RPS6KA5: variants seen among roughly 807,000 people sequenced by gnomAD.
RPS6KA5 encodes ribosomal protein S6 kinase A5.
Under a neutral mutation model 85.5 loss-of-function variants are expected in RPS6KA5, and 27 were observed. That is an observed-to-expected ratio of 0.32 (90% CI 0.23 to 0.44). RPS6KA5 has a LOEUF of 0.44. RPS6KA5 is among the 20% of genes least tolerant of loss of function. The probability of loss-of-function intolerance (pLI) is 1.00; values close to 1 mark genes in which losing one functional copy is unlikely to be tolerated. For synonymous variants in RPS6KA5, 334 were observed against 348.2 expected (o/e 0.96, Z 0.46); for missense variants, 811 against 980.9 (o/e 0.83, Z 2.31).
chr14:91,000,046 T>C (rs1415318583), intron 2 of RPS6KA5, among the ~76,000 whole-genome samples: 2 of 152,110 alleles, frequency 1.3e-5, no homozygotes, highest in African/African-American at 2.4e-5. Flanking sequence ...GCTTCTCCCA[T>C]CTTGGCCTCC....
At chr14:90,925,557 G>C (rs1013691441) in intron 5 of RPS6KA5, among the ~76,000 whole-genome samples, 9 of 152,088 alleles carry the variant, frequency 5.9e-5, no homozygotes, top group African/African-American at 2.2e-4. Flanking sequence ...GATAGAACCA[G>C]AGATATTCTC....
intron 5 of RPS6KA5, among the ~76,000 whole-genome samples, chr14:90,927,155 A>G (rs911533674): frequency 3.3e-5 from 5 of 152,144 alleles, no homozygotes; most frequent in Non-Finnish European, 7.4e-5. Context: ...GGGTAATATT[A>G]CAGAAATGCC....
intron 1 of RPS6KA5, among the ~76,000 whole-genome samples, chr14:91,018,889 A>G (rs984745751): frequency 1.3e-5 from 2 of 152,086 alleles, no homozygotes; most frequent in Non-Finnish European, 2.9e-5. Flanking sequence ...GTTCCTCTGG[A>G]GAACCCTGAC....
chr14:90,880,672 G>A (rs1408423173), intron 14 of RPS6KA5, among the ~76,000 whole-genome samples: 1 of 151,930 alleles, frequency 6.6e-6, no homozygotes, highest in Non-Finnish European at 1.5e-5. Flanking sequence ...AATTATTACA[G>A]GACTGTCTAC....
chr14:90,923,212 A>G lies in RPS6KA5; in HGVS notation c.619-16T>C, dbSNP rs2036491059. ...CTCTTTCAGTCTTGAACAAACAAAC[A>G]AAAAAGGGATTTGATTTCAAGCTAG... On this transcript the variant is annotated splice_polypyrimidine_tract_variant and intron_variant, in intron 5 of 16. Transcript: ENST00000614987. 6.3e-7 allele frequency: 1 copy of G among 1,585,912 alleles called. No individual in the cohort carries two copies. The highest frequency in any genetic ancestry group is 8.7e-7 in the Non-Finnish European group (1 of 1,155,866).
chr14:90,943,237 T>G, intron 4 of RPS6KA5, 52 bp from the exon 5 acceptor site: 3 of 1,032,082 alleles, frequency 2.9e-6, no homozygotes, highest in Non-Finnish European at 4.4e-6. Flanking sequence ...AAAAATGAAT[T>G]AGGGCAGTCT....
At chr14:90,900,871 T>G in intron 9 of RPS6KA5, 135 bp from the exon 10 acceptor site, 1 of 712,166 alleles carries the variant, frequency 1.4e-6, no homozygotes, top group Non-Finnish European at 2.2e-6. Context: ...TTTATTTTAT[T>G]TGCAATCTAA....
intron 1 of RPS6KA5, among the ~76,000 whole-genome samples, chr14:91,048,201 A>C (rs768945995): frequency 6.6e-6 from 1 of 152,376 alleles, no homozygotes; most frequent in South Asian, 2.1e-4. Context: ...GAAAATCTAC[A>C]TAACAGTAAG....
At chr14:90,920,085 C>G (rs1290594637) in intron 7 of RPS6KA5, 121 bp downstream of exon 7, 1 of 735,250 alleles carries the variant, frequency 1.4e-6, no homozygotes, top group Non-Finnish European at 2.5e-6. Flanking sequence ...AAATTTACCA[C>G]ATAAACATCA....
chr14:90,896,648 G>A (rs1244559231), intron 12 of RPS6KA5, among the ~76,000 whole-genome samples: 1 of 152,168 alleles, frequency 6.6e-6, no homozygotes, highest in East Asian at 1.9e-4. Flanking sequence ...GTGTCTAGAA[G>A]CTACAAAAGG....
chr14:90,926,667 G>T (rs1392695307), intron 5 of RPS6KA5, among the ~76,000 whole-genome samples: 3 of 146,534 alleles, frequency 2.0e-5, no homozygotes, highest in Non-Finnish European at 4.6e-5. Context: ...ATATTTAAGT[G>T]TGTGTGTGTG....
At chr14:90,912,025 T>A (rs1454469158) in intron 7 of RPS6KA5, among the ~76,000 whole-genome samples, 1 of 152,026 alleles carries the variant, frequency 6.6e-6, no homozygotes, top group African/African-American at 2.4e-5. Context: ...CCCAACCCAG[T>A]CCGCATCTCC....
At chr14:91,033,908 T>C (rs943354642) in intron 1 of RPS6KA5, among the ~76,000 whole-genome samples, 1 of 152,214 alleles carries the variant, frequency 6.6e-6, no homozygotes, top group African/African-American at 2.4e-5. Context: ...AATTATAGTC[T>C]TCATACACAT....
At position 90,959,781 on chromosome 14, in the gene RPS6KA5, C is replaced by T. The variant is rs557963012; in HGVS notation, c.395-12231G>A. On this transcript the variant is annotated intron_variant, in intron 3 of 16. Coordinates refer to ENST00000614987, the MANE Select transcript of RPS6KA5 (RefSeq NM_004755.4). Reference sequence around the variant, plus strand: ...GTTTGGGTATATGTAGGCCTACATGCATTCTTCTGAGAAGAGAGAATCCAC... The same window carrying T: ...GTTTGGGTATATGTAGGCCTACATGTATTCTTCTGAGAAGAGAGAATCCAC... Among the ~76,000 whole-genome samples, 3 of 152,268 alleles carry T rather than the reference C, an allele frequency of 2.0e-5. No individual in the cohort carries two copies. In the South Asian group the frequency reaches 6.2e-4, roughly 32 times the overall value.
At chr14:90,952,012 TATG>T (rs578085403) in intron 3 of RPS6KA5, among the ~76,000 whole-genome samples, 63 of 152,294 alleles carry the variant, frequency 4.1e-4, no homozygotes, top group East Asian at 1.9e-4. Context: ...CAATTGGCAT[TATG>T]ATAATTCTTC....
At chr14:91,012,647 T>C (rs1217366103) in intron 1 of RPS6KA5, among the ~76,000 whole-genome samples, 1 of 152,208 alleles carries the variant, frequency 6.6e-6, no homozygotes, top group African/African-American at 2.4e-5. Flanking sequence ...CTCTTAGAGC[T>C]ACTTGGTCAC....
chr14:90,931,114 T>C (rs12891452), intron 5 of RPS6KA5, among the ~76,000 whole-genome samples: 69,872 of 152,014 alleles, frequency 0.46, 16,825 homozygotes, highest in East Asian at 0.55. Flanking sequence ...TTATTCACAA[T>C]AGCCAAGAGG....
Position 90,850,096 on chromosome 14 carries a change from T to C in RPS6KA5, c.*21978A>G, listed in dbSNP as rs1189687251. ...TTTCAGGACACTCTGGCACTTTTTTTCTAGTCTGGGAAGGGATCTGTGGGC... is the reference window on the plus strand; with the variant it reads ...TTTCAGGACACTCTGGCACTTTTTTCCTAGTCTGGGAAGGGATCTGTGGGC... On this transcript the variant is annotated 3_prime_UTR_variant, in exon 17 of 17. Transcript: ENST00000614987. 6.6e-6 allele frequency: 1 copy of C among 152,212 alleles called. No individual in the cohort carries two copies. Among genetic ancestry groups the C allele is most frequent in the Admixed American group, 6.5e-5 (1 of 15,280 alleles). 9.4% of individuals were successfully genotyped at this position (152,212 alleles called of 1,614,324 possible).
chr14:90,927,922 T>TCTTTC (rs2036759624), intron 5 of RPS6KA5, among the ~76,000 whole-genome samples: 2 of 92,510 alleles, frequency 2.2e-5, no homozygotes, highest in Non-Finnish European at 2.1e-5. Flanking sequence ...TTTTTCTCTT[T>TCTTTC]CTTTCTTTTC....
Sources: gnomAD v4.1 joint callset for allele counts (sites outside exome capture counted in the v4.1 genomes callset) on GRCh38, gnomAD v4.1.1 for gene constraint, MANE v1.5 for transcripts, NCBI Gene and HGNC (gene_info 2026-07-23, HGNC 2026-07-21) for gene names.